The following ENOSF1 variants were observed in gnomAD, a reference collection of about 807,000 sequenced individuals.
ENOSF1 encodes enolase superfamily member 1.
ENOSF1 carries 73 observed loss-of-function variants against 68.2 expected under a neutral mutation model. That is an observed-to-expected ratio of 1.07 (90% CI 0.89 to 1.30). ENOSF1 has a LOEUF of 1.30. Among genes scored for constraint, ENOSF1 ranks in the 50% most tolerant of loss-of-function variants. The probability of loss-of-function intolerance (pLI) is 0.00; values close to 1 mark genes in which losing one functional copy is unlikely to be tolerated. For missense variants in ENOSF1, 589 were observed against 554.5 expected (o/e 1.06, Z -0.62); for synonymous variants, 223 against 210.4 (o/e 1.06, Z -0.52).
chr18:701,933 T>C (rs1052671483), intron 2 of ENOSF1, among the ~76,000 whole-genome samples: 1 of 143,892 alleles, frequency 6.9e-6, no homozygotes, highest in Non-Finnish European at 1.5e-5. Flanking sequence ...AATAAATAAA[T>C]ACATAGATAA....
intron 5 of ENOSF1, chr18:692,611 G>T: frequency 4.0e-5 from 26 of 656,746 alleles, no homozygotes; most frequent in Middle Eastern, 7.8e-4. Flanking sequence ...AAAAAAAAAA[G>T]AAAGAAAGAA....
Position 672,659 on chromosome 18 carries a change from C to T in ENOSF1, c.*1646G>A, listed in dbSNP as rs539377697. ...ATGCTGTGTAATGTCACAAAATACC[C>T]CTCACTCTCGATCTGTGCAAGAGAA... On this transcript the variant is annotated 3_prime_UTR_variant, in exon 16 of 16. Transcript: ENST00000647584. 1.9e-4 allele frequency: 83 copies of T among 435,812 alleles called. No homozygotes were observed. Among genetic ancestry groups the T allele is most frequent in the Non-Finnish European group, 2.9e-4 (73 of 251,350 alleles). 27.0% of individuals were successfully genotyped at this position (435,812 alleles called of 1,614,324 possible). A position where few individuals can be genotyped will look rare whatever the true frequency, so the allele number is the denominator to read the frequency against.
intron 14 of ENOSF1, among the ~76,000 whole-genome samples, chr18:677,007 C>T (rs1363457750): frequency 4.6e-5 from 7 of 152,308 alleles, no homozygotes; most frequent in African/African-American, 1.7e-4. Flanking sequence ...GTGTCTAGAC[C>T]ATGGAAGACT....
At chr18:667,571 A>ATGGAGATGGT (rs1368458016), downstream of ENOSF1, 2 of 27,968 alleles carry the variant, frequency 7.2e-5, no homozygotes, top group Admixed American at 3.4e-4. Flanking sequence ...ATGGTGATGG[A>ATGGAGATGGT]GATGGTGATG....
In ENOSF1 at chr18:670,932, G is replaced by C. The variant is rs185078319; in HGVS notation, c.*3373C>G. On this transcript the variant is annotated 3_prime_UTR_variant, in exon 16 of 16. Transcript: ENST00000647584. Reference sequence around the variant, plus strand: ...ACTGAGCTCTTCAGTTCTTTAATATGGGAAAACAAATTGCAGAGTTTAGTC... The same window carrying C: ...ACTGAGCTCTTCAGTTCTTTAATATCGGAAAACAAATTGCAGAGTTTAGTC... The C allele has an allele frequency of 1.8e-4, 275 of 1,554,066 alleles. No homozygotes were observed. The African/African-American group carries it at 3.0e-3, about 17-fold the overall frequency.
intron 8 of ENOSF1, among the ~76,000 whole-genome samples, chr18:689,778 ACG>A (rs1376950550): frequency 6.6e-6 from 1 of 152,150 alleles, no homozygotes; most frequent in Non-Finnish European, 1.5e-5. Flanking sequence ...TTGTACGTGA[ACG>A]AGAGAGCCCT....
At chr18:693,051 T>C (rs1045628031) in intron 5 of ENOSF1, 4 of 1,276,804 alleles carry the variant, frequency 3.1e-6, no homozygotes, top group African/African-American at 3.0e-5. Flanking sequence ...GGAAGTCACA[T>C]GCTCAAGGTC....
downstream of ENOSF1, among the ~76,000 whole-genome samples, chr18:667,363 GA>G (rs796789750): frequency 3.4e-5 from 1 of 29,552 alleles, no homozygotes; most frequent in African/African-American, 1.7e-4. Flanking sequence ...GATGGTGATG[GA>G]GATGGTGATG....
chr18:683,861 T>C (rs2847158), intron 10 of ENOSF1, among the ~76,000 whole-genome samples: 27,746 of 152,078 alleles, frequency 0.18, 3,077 homozygotes, highest in Admixed American at 0.26. Flanking sequence ...AACTCTCCCA[T>C]AATGGCACAC....
At chr18:697,001 C>T (rs1203980527) in intron 3 of ENOSF1, among the ~76,000 whole-genome samples, 2 of 152,082 alleles carry the variant, frequency 1.3e-5, no homozygotes, top group African/African-American at 4.8e-5. Context: ...CCTGTAGTCC[C>T]AGCTACTCAG....
intron 9 of ENOSF1, chr18:686,859 C>T (rs956267312): frequency 6.6e-6 from 1 of 152,264 alleles, no homozygotes; most frequent in African/African-American, 2.4e-5. Flanking sequence ...CATTCTCAGG[C>T]ACCTGCTGTT....
chr18:708,469 G>A (rs984192848), intron 1 of ENOSF1, among the ~76,000 whole-genome samples: 1 of 152,084 alleles, frequency 6.6e-6, no homozygotes, highest in Admixed American at 6.6e-5. Flanking sequence ...CCAGGAGTTC[G>A]AGACTAGCCT....
intron 7 of ENOSF1, 146 bp from the exon 8 acceptor site, chr18:690,777 G>C (rs1254043069): frequency 2.7e-6 from 4 of 1,490,936 alleles, no homozygotes; most frequent in South Asian, 1.4e-5. Flanking sequence ...CAAATTACTA[G>C]GATGTCAAAC....
intron 5 of ENOSF1, chr18:693,346 G>C: frequency 6.6e-6 from 8 of 1,203,804 alleles, no homozygotes; most frequent in Non-Finnish European, 8.4e-6. Flanking sequence ...TTTTGAGACA[G>C]GGTCTTGCTC....
chr18:670,923 C>A lies in ENOSF1; in HGVS notation c.*3382G>T, dbSNP rs919715363. 2.9e-5 allele frequency: 46 copies of A among 1,572,700 alleles called. No individual in the cohort carries two copies. The highest frequency in any genetic ancestry group is 3.8e-5 in the Non-Finnish European group (44 of 1,155,108). On this transcript the variant is annotated 3_prime_UTR_variant, in exon 16 of 16. Coordinates refer to ENST00000647584, the MANE Select transcript of ENOSF1 (RefSeq NM_017512.7). The stretch of plus-strand genomic sequence containing the variant: ...GCCTACCACACTGAGCTCTTCAGTT[C>A]TTTAATATGGGAAAACAAATTGCAG...
chr18:671,723 A>G lies in ENOSF1; in HGVS notation c.*2582T>C. On this transcript the variant is annotated 3_prime_UTR_variant, in exon 16 of 16. Coordinates refer to ENST00000647584, the MANE Select transcript of ENOSF1 (RefSeq NM_017512.7). ...ACATTCAAGCCAGGGGATTGTCCAA[A>G]AGGGGGCATTTTAACTCATTTTAAC... The G allele has an allele frequency of 2.1e-6, 1 of 473,432 alleles. No individual in the cohort carries two copies. The highest frequency in any genetic ancestry group is 3.7e-6 in the Non-Finnish European group (1 of 269,840). The allele number at this position is 473,432 out of a possible 1,614,324, so 29.3% of individuals were successfully genotyped here.
At chr18:666,897 TGATGGAGATGGTGATGGTGATGGA>T (rs2074827063), downstream of ENOSF1, among the ~76,000 whole-genome samples, 4 of 48,214 alleles carry the variant, frequency 8.3e-5, no homozygotes, top group African/African-American at 2.9e-4. Flanking sequence ...CGGGAGATGG[TGATGGAGATGGTGATGGTGATGGA>T]GATGGTGATG....
At chr18:712,372 G>A (rs556045505) in intron 1 of ENOSF1, 132 bp downstream of exon 1, 1 of 1,532,364 alleles carries the variant, frequency 6.5e-7, no homozygotes, top group Non-Finnish European at 8.7e-7. Flanking sequence ...TGGCGTCCGC[G>A]CTTACCATGG....
Position 672,992 on chromosome 18 carries a change from G to A in ENOSF1, c.*1313C>T, listed in dbSNP as rs751880836. The A allele has an allele frequency of 1.3e-6, 2 of 1,561,494 alleles. No individual in the cohort carries two copies. Among genetic ancestry groups the A allele is most frequent in the Admixed American group, 3.4e-5 (2 of 59,486 alleles). ...TCCAACTATTAAAATGGAAATGGCT[G>A]TTTAGGGTGCTTTCAAAGGAGCTCG... is the stretch of plus-strand genomic sequence containing the variant. On this transcript the variant is annotated 3_prime_UTR_variant, in exon 16 of 16. Transcript: ENST00000647584.
Sources: gnomAD v4.1 joint callset for allele counts (sites outside exome capture counted in the v4.1 genomes callset) on GRCh38, gnomAD v4.1.1 for gene constraint, MANE v1.5 for transcripts, NCBI Gene and HGNC (gene_info 2026-07-23, HGNC 2026-07-21) for gene names.